DNAAF9: variants seen among roughly 807,000 people sequenced by gnomAD.
The protein encoded by DNAAF9 is shulin.
In DNAAF9, 90 loss-of-function variants were observed where a neutral mutation model predicts 167.0. That is an observed-to-expected ratio of 0.54 (90% CI 0.45 to 0.64). The LOEUF is 0.64. Among genes scored for constraint, DNAAF9 ranks in the 30% least tolerant of loss-of-function variants. DNAAF9 has a pLI of 0.00. For synonymous variants in DNAAF9, 491 were observed against 508.8 expected (o/e 0.96, Z 0.47); for missense variants, 1,315 against 1,442.2 (o/e 0.91, Z 1.43).
chr20:3,287,610 C>G (rs1034172924), intron 27 of DNAAF9, 22 bp downstream of exon 27: 41 of 1,612,944 alleles, frequency 2.5e-5, no homozygotes, highest in Non-Finnish European at 3.5e-5. Context: ...TCGACTGTTT[C>G]CAGGAGACTT....
At chr20:3,354,734 C>T (rs1161779519) in intron 7 of DNAAF9, among the ~76,000 whole-genome samples, 1 of 152,214 alleles carries the variant, frequency 6.6e-6, no homozygotes, top group East Asian at 1.9e-4. Flanking sequence ...AGAGTTGTCA[C>T]CTTACTTTAT....
At chr20:3,285,695 A>AAG (rs2068839879) in intron 27 of DNAAF9, among the ~76,000 whole-genome samples, 1 of 140,078 alleles carries the variant, frequency 7.1e-6, no homozygotes. Context: ...AAAAAAAAAA[A>AAG]GGGCCAGGAG....
chr20:3,379,409 C>G (rs2083617232), intron 3 of DNAAF9, among the ~76,000 whole-genome samples: 1 of 152,102 alleles, frequency 6.6e-6, no homozygotes. Flanking sequence ...GCCTGGCCAA[C>G]ATGGTGAAAT....
Position 3,290,145 on chromosome 20 carries a change from G to A in DNAAF9, c.2311C>T (p.His771Tyr). 1.2e-6 allele frequency: 2 copies of A among 1,609,898 alleles called. No homozygotes were observed. The highest frequency in any genetic ancestry group is 1.7e-6 in the Non-Finnish European group (2 of 1,176,102). Residue 771 changes from histidine (H) to tyrosine (Y), a missense_variant, in exon 26 of 37, where the codon CAT (histidine) becomes TAT (tyrosine). Transcript: ENST00000252032. The stretch of plus-strand genomic sequence containing the variant: ...CATACTAACCTGCCACATTCCTTAT[G>A]CAGAGTGACCAGAAAAGCACAGAGC... Reference protein sequence around the residue: ...SELCAFLVTLHKECGRWMVYR... With the variant: ...SELCAFLVTLYKECGRWMVYR...
At chr20:3,346,168 T>C (rs2070189376) in intron 8 of DNAAF9, among the ~76,000 whole-genome samples, 3 of 152,324 alleles carry the variant, frequency 2.0e-5, no homozygotes, top group Non-Finnish European at 2.9e-5. Context: ...ATACATTCTA[T>C]TGGTGAAGTT....
intron 30 of DNAAF9, among the ~76,000 whole-genome samples, chr20:3,269,062 C>A (rs1439204122): frequency 6.6e-6 from 1 of 151,734 alleles, no homozygotes; most frequent in Non-Finnish European, 1.5e-5. Context: ...TGCCACCACA[C>A]CTGGCTAATT....
intron 6 of DNAAF9, among the ~76,000 whole-genome samples, chr20:3,366,480 C>A (rs2083434349): frequency 6.6e-6 from 1 of 152,102 alleles, no homozygotes; most frequent in Non-Finnish European, 1.5e-5. Context: ...TTAAAGAGCA[C>A]AGAGTAGATT....
At chr20:3,365,039 A>G (rs147079687) in intron 6 of DNAAF9, among the ~76,000 whole-genome samples, 1 of 150,188 alleles carries the variant, frequency 6.7e-6, no homozygotes, top group East Asian at 2.0e-4. Flanking sequence ...GACCTTCTGG[A>G]GCAATCCTCC....
At position 3,365,945 on chromosome 20, in the gene DNAAF9, G is replaced by C. The variant is rs528998678; in HGVS notation, c.613-6352C>G. Among the ~76,000 whole-genome samples the C allele has an allele frequency of 2.0e-5, 3 of 152,192 alleles. No homozygotes were observed. The South Asian group carries it at 6.2e-4, about 32-fold the overall frequency. ...TGCAGCAAGTCAGTCACATCTTCAGGCTCCACTTCTAATTCTAGTTGTCTT... is the reference window on the plus strand; with the variant it reads ...TGCAGCAAGTCAGTCACATCTTCAGCCTCCACTTCTAATTCTAGTTGTCTT... On this transcript the variant is annotated intron_variant, in intron 6 of 36. Transcript: ENST00000252032.
At chr20:3,380,942 C>G (rs1482039259) in intron 3 of DNAAF9, among the ~76,000 whole-genome samples, 2 of 152,168 alleles carry the variant, frequency 1.3e-5, no homozygotes, top group Non-Finnish European at 2.9e-5. Flanking sequence ...CCAAAGACAG[C>G]AGGACAAAGA....
intron 29 of DNAAF9, among the ~76,000 whole-genome samples, chr20:3,275,490 C>T (rs1391039046): frequency 6.6e-6 from 1 of 152,184 alleles, no homozygotes; most frequent in Non-Finnish European, 1.5e-5. Flanking sequence ...GTCTGCTGCA[C>T]ATGTACCATA....
intron 7 of DNAAF9, among the ~76,000 whole-genome samples, chr20:3,348,924 GAGAC>G (rs1289633767): frequency 6.6e-6 from 1 of 152,150 alleles, no homozygotes; most frequent in African/African-American, 2.4e-5. Flanking sequence ...GGTTGGGATG[GAGAC>G]TGACTGCAAG....
chr20:3,345,399 A>G (rs996207835), intron 8 of DNAAF9, among the ~76,000 whole-genome samples: 1 of 152,210 alleles, frequency 6.6e-6, no homozygotes, highest in African/African-American at 2.4e-5. Context: ...AATCCTAATA[A>G]CAACCTATGA....
intron 1 of DNAAF9, among the ~76,000 whole-genome samples, chr20:3,389,707 CA>C (rs1459022499): frequency 6.6e-6 from 1 of 151,844 alleles, no homozygotes; most frequent in Non-Finnish European, 1.5e-5. Flanking sequence ...AGAATAACAA[CA>C]AAATGCAATC....
intron 14 of DNAAF9, among the ~76,000 whole-genome samples, 184 bp from the exon 15 acceptor site, chr20:3,322,880 C>A (rs2069641717): frequency 6.6e-6 from 1 of 151,978 alleles, no homozygotes; most frequent in African/African-American, 2.4e-5. Context: ...GGTATGAGGC[C>A]AGAATCTGAC....
chr20:3,282,670 TCTA>T (rs1367211705), intron 27 of DNAAF9, among the ~76,000 whole-genome samples: 1 of 152,194 alleles, frequency 6.6e-6, no homozygotes, highest in Admixed American at 6.5e-5. Flanking sequence ...AAGAATTTCA[TCTA>T]CTATCACTTC....
Position 3,330,385 on chromosome 20 carries a change from G to A in DNAAF9, c.1100+261C>T, listed in dbSNP as rs139878882. ...AGCCTCCTGAGTAGCTGGGACCACAGGTGTGCACCACTATGCCTGGCTAAT... is the reference window on the plus strand; with the variant it reads ...AGCCTCCTGAGTAGCTGGGACCACAAGTGTGCACCACTATGCCTGGCTAAT... On this transcript the variant is annotated intron_variant, in intron 12 of 36. Transcript: ENST00000252032. 9.0e-3 allele frequency among the ~76,000 whole-genome samples: 1,368 copies of A among 152,190 alleles called. 19 individuals are homozygous for A. Among genetic ancestry groups the A allele is most frequent in the African/African-American group, 0.032 (1,314 of 41,514 alleles).
chr20:3,376,567 A>G (rs1007230505), intron 3 of DNAAF9, among the ~76,000 whole-genome samples: 7 of 152,228 alleles, frequency 4.6e-5, no homozygotes, highest in African/African-American at 1.7e-4. Flanking sequence ...ATGTACCCAA[A>G]ATGGCTGGAT....
At chr20:3,311,575 CAA>C (rs1253472490) in intron 20 of DNAAF9, among the ~76,000 whole-genome samples, 1 of 152,160 alleles carries the variant, frequency 6.6e-6, no homozygotes, top group East Asian at 1.9e-4. Flanking sequence ...CACATGTCCA[CAA>C]AGAGTCAAAA....
Sources: gnomAD v4.1 joint callset for allele counts (sites outside exome capture counted in the v4.1 genomes callset) on GRCh38, gnomAD v4.1.1 for gene constraint, MANE v1.5 for transcripts, NCBI Gene and HGNC (gene_info 2026-07-23, HGNC 2026-07-21) for gene names.